The following ABR variants were observed in gnomAD, a reference collection of about 807,000 sequenced individuals.
The protein encoded by ABR is ABR activator of RhoGEF and GTPase.
A neutral mutation model predicts 107.2 loss-of-function variants in ABR; 35 were observed. That is an observed-to-expected ratio of 0.33 (90% CI 0.25 to 0.43). ABR has a LOEUF of 0.43. Ranked by LOEUF, ABR falls within the 20% of genes least tolerant of loss-of-function variation. The probability of loss-of-function intolerance (pLI) is 1.00; values close to 1 mark genes in which losing one functional copy is unlikely to be tolerated. For synonymous variants in ABR, 498 were observed against 462.0 expected (o/e 1.08, Z -1.00); for missense variants, 815 against 1,115.2 (o/e 0.73, Z 3.83).
rs138573394 is a variant in ABR, at chr17:1,086,486, T to C, written c.532-2859A>G. On this transcript the variant is annotated intron_variant, in intron 4 of 22. Coordinates refer to ENST00000302538, the MANE Select transcript of ABR (RefSeq NM_021962.5). ...GGGTTGAACTGTAAAATATGATATA[T>C]GTGTATACTTATACACTTTTTTTTT... Among the ~76,000 whole-genome samples, 445 of 151,924 alleles carry C rather than the reference T, an allele frequency of 2.9e-3. 3 individuals are homozygous for C. Among genetic ancestry groups the C allele is most frequent in the African/African-American group, 0.01 (423 of 41,444 alleles).
chr17:1,123,266 G>A (rs1027113647), intron 2 of ABR, among the ~76,000 whole-genome samples: 6 of 152,288 alleles, frequency 3.9e-5, no homozygotes, highest in South Asian at 2.1e-4. Flanking sequence ...CCTGCCTTGC[G>A]TGGCTTCTAG....
At chr17:1,023,285 C>T (rs2071871519) in intron 16 of ABR, among the ~76,000 whole-genome samples, 1 of 152,258 alleles carries the variant, frequency 6.6e-6, no homozygotes, top group Non-Finnish European at 1.5e-5. Flanking sequence ...GAGAAGCAGA[C>T]AAAATCCAAA....
intron 2 of ABR, among the ~76,000 whole-genome samples, chr17:1,108,168 TG>T (rs1460968807): frequency 6.6e-6 from 1 of 152,136 alleles, no homozygotes; most frequent in Non-Finnish European, 1.5e-5. Flanking sequence ...AAGGCTGAGG[TG>T]GAAGCTCTGA....
rs1271534156 is a variant in ABR, at chr17:1,210,619, C to CT, written c.838+18173dup. On this transcript the variant is annotated intron_variant, in intron 1 of 22. Coordinates refer to the ABR transcript ENST00000574139. The surrounding 1 kb of genome is among the most constrained non-coding windows in gnomAD (Gnocchi z 5.6). ...CGTCCAGGTGTCACTCAGCTTTCTG[C>CT]TATTGTGTTTGCTCTCAAGCCAAAA... Among the ~76,000 whole-genome samples the CT allele has an allele frequency of 2.6e-5, 4 of 152,062 alleles. No homozygotes were observed. The highest frequency in any genetic ancestry group is 7.2e-5 in the African/African-American group (3 of 41,418).
chr17:1,031,052 C>A (rs757917865), intron 16 of ABR, among the ~76,000 whole-genome samples: 3 of 152,190 alleles, frequency 2.0e-5, no homozygotes, highest in Non-Finnish European at 4.4e-5. Flanking sequence ...GGCACATGGA[C>A]GGAACGCCTG....
rs55866246 is a variant in ABR, at chr17:1,226,696, G to GGT, written c.838+2095_838+2096dup. Reference sequence around the variant, plus strand: ...AGTATGCCATGTGTTTACATGTGCAGGTGTGTGTGTGTGCATGCATGTATG... The same window carrying GGT: ...AGTATGCCATGTGTTTACATGTGCAGGTGTGTGTGTGTGTGCATGCATGTATG... On this transcript the variant is annotated intron_variant, in intron 1 of 22. Transcript: ENST00000574139. Among the ~76,000 whole-genome samples the GGT allele has an allele frequency of 7.3e-5, 11 of 150,098 alleles. No homozygotes were observed. In the South Asian group the frequency reaches 1.3e-3, roughly 17 times the overall value.
chr17:1,203,401 G>T (rs1176651678), intron 1 of ABR, among the ~76,000 whole-genome samples: 1,076 of 12,590 alleles, frequency 0.085, 387 homozygotes, highest in African/African-American at 0.46. Context: ...CGGGGCCCGC[G>T]GGGGGCGGAG....
At chr17:1,023,112 G>A (rs1050294728) in intron 16 of ABR, among the ~76,000 whole-genome samples, 2 of 148,600 alleles carry the variant, frequency 1.3e-5, no homozygotes, top group African/African-American at 2.6e-5. Flanking sequence ...CCGGCCCCAC[G>A]TCCACTACAG....
rs1252276039 is a variant in ABR at position 1,071,227 on chromosome 17, A to G, written c.895-1137T>C. ...CTCTGGAGATTTTTCAGATATCCCCAGAGTAAAACAGACGACGGGATCCCC... is the reference window on the plus strand; with the variant it reads ...CTCTGGAGATTTTTCAGATATCCCCGGAGTAAAACAGACGACGGGATCCCC... On this transcript the variant is annotated intron_variant, in intron 8 of 22. Coordinates refer to ENST00000302538, the MANE Select transcript of ABR (RefSeq NM_021962.5). The surrounding 1 kb of genome is among the most constrained non-coding windows in gnomAD (Gnocchi z 5.1). 6.6e-6 allele frequency among the ~76,000 whole-genome samples: 1 copy of G among 152,170 alleles called. No individual in the cohort carries two copies. The highest frequency in any genetic ancestry group is 2.4e-5 in the African/African-American group (1 of 41,436).
intron 5 of ABR, among the ~76,000 whole-genome samples, chr17:1,081,349 A>G (rs1375027064): frequency 6.6e-6 from 1 of 152,168 alleles, no homozygotes; most frequent in African/African-American, 2.4e-5. Context: ...TGCTGGGATT[A>G]CAGGCGTGAG....
chr17:1,119,789 G>A (rs1307011595), intron 2 of ABR, among the ~76,000 whole-genome samples: 2 of 152,332 alleles, frequency 1.3e-5, no homozygotes, highest in East Asian at 3.9e-4. Flanking sequence ...CGTGTGAGCG[G>A]GACCTGACAG....
intron 9 of ABR, among the ~76,000 whole-genome samples, chr17:1,069,363 T>C (rs776434375): frequency 2.0e-5 from 3 of 152,098 alleles, no homozygotes; most frequent in Non-Finnish European, 2.9e-5. Context: ...ATTAATATAG[T>C]TTTTAAAAGG....
intron 16 of ABR, among the ~76,000 whole-genome samples, chr17:1,015,558 G>A (rs2071084431): frequency 6.6e-6 from 1 of 150,800 alleles, no homozygotes; most frequent in Non-Finnish European, 1.5e-5. Context: ...CTGGGTTCAA[G>A]CGATTCTCCT....
At chr17:1,204,027 C>A (rs1200879668) in intron 1 of ABR, among the ~76,000 whole-genome samples, 2 of 152,256 alleles carry the variant, frequency 1.3e-5, no homozygotes, top group Non-Finnish European at 2.9e-5. Context: ...CGACCCCCGG[C>A]CCACGGGCCA....
intron 1 of ABR, among the ~76,000 whole-genome samples, chr17:1,214,965 G>A (rs1439283644): frequency 6.6e-6 from 1 of 151,886 alleles, no homozygotes; most frequent in Non-Finnish European, 1.5e-5. Context: ...CACGCCTATA[G>A]TCCCAGCACT....
intron 2 of ABR, among the ~76,000 whole-genome samples, chr17:1,105,839 C>G (rs1458079259): frequency 1.3e-5 from 2 of 151,684 alleles, no homozygotes; most frequent in African/African-American, 4.9e-5. Context: ...GCACTCCAGC[C>G]TGGGTGACAG....
upstream of ABR, among the ~76,000 whole-genome samples, chr17:1,180,945 G>A (rs2042114676): frequency 6.6e-6 from 1 of 152,172 alleles, no homozygotes; most frequent in African/African-American, 2.4e-5. Context: ...TGGGGCTGAA[G>A]CCCCTTCCTG....
At chr17:1,187,629 C>CCT (rs1410322556), upstream of ABR, among the ~76,000 whole-genome samples, 10 of 152,222 alleles carry the variant, frequency 6.6e-5, no homozygotes, top group Admixed American at 5.9e-4. Context: ...GCAGCTCACA[C>CCT]CTGTAATCCC....
At chr17:1,191,673 C>T (rs889146111), upstream of ABR, among the ~76,000 whole-genome samples, 13 of 152,110 alleles carry the variant, frequency 8.5e-5, no homozygotes, top group African/African-American at 3.1e-4. Context: ...TCAATAGTGT[C>T]AGGGTTCTTC....
Sources: gnomAD v4.1 joint callset for allele counts (sites outside exome capture counted in the v4.1 genomes callset) on GRCh38, gnomAD v4.1.1 for gene constraint, Gnocchi (gnomAD v3.1) non-coding constraint, MANE v1.5 for transcripts, NCBI Gene and HGNC (gene_info 2026-07-23, HGNC 2026-07-21) for gene names.